Variants in NXPH1 observed in about 807,000 individuals in gnomAD.
The protein encoded by NXPH1 is neurexophilin 1, also known as neurexophilin-1.
NXPH1 carries 5 observed loss-of-function variants against 23.7 expected under a neutral mutation model. That is an observed-to-expected ratio of 0.21 (90% CI 0.11 to 0.44). NXPH1 has a LOEUF of 0.44. Ranked by LOEUF, NXPH1 falls within the 20% of genes least tolerant of loss-of-function variation. NXPH1 has a pLI of 0.99. For missense variants in NXPH1, 324 were observed against 321.6 expected (o/e 1.01, Z -0.06); for synonymous variants, 144 against 122.2 (o/e 1.18, Z -1.18).
intron 2 of NXPH1, among the ~76,000 whole-genome samples, chr7:8,485,968 G>A (rs1054173314): frequency 3.9e-5 from 6 of 152,138 alleles, no homozygotes; most frequent in African/African-American, 1.2e-4. Context: ...ATAAAGATCA[G>A]TTTCAACTTA....
chr7:8,662,808 T>C (rs2115163300), intron 2 of NXPH1, among the ~76,000 whole-genome samples: 1 of 152,232 alleles, frequency 6.6e-6, no homozygotes, highest in African/African-American at 2.4e-5. Flanking sequence ...TTTGTGATAT[T>C]TGTGCAGCTA....
At chr7:8,612,486 C>T (rs1819643028) in intron 2 of NXPH1, among the ~76,000 whole-genome samples, 1 of 151,974 alleles carries the variant, frequency 6.6e-6, no homozygotes, top group Non-Finnish European at 1.5e-5. Context: ...AATGCTATTA[C>T]ATTAAATGTA....
intron 2 of NXPH1, among the ~76,000 whole-genome samples, chr7:8,730,065 TG>T (rs1482017091): frequency 1.3e-5 from 2 of 152,190 alleles, no homozygotes; most frequent in African/African-American, 2.4e-5. Context: ...TAGCTCTTCT[TG>T]TTGAATTGAT....
intron 2 of NXPH1, among the ~76,000 whole-genome samples, chr7:8,562,848 C>G (rs1818471361): frequency 6.6e-6 from 1 of 151,626 alleles, no homozygotes; most frequent in Admixed American, 6.6e-5. Context: ...CTAGTTATCT[C>G]TGAGTGGTGA....
intron 2 of NXPH1, among the ~76,000 whole-genome samples, chr7:8,580,478 A>T (rs1269458772): frequency 2.0e-5 from 3 of 152,106 alleles, no homozygotes; most frequent in Non-Finnish European, 4.4e-5. Flanking sequence ...CTGCTTGGAG[A>T]TTAGGGGGCT....
intron 2 of NXPH1, among the ~76,000 whole-genome samples, chr7:8,505,997 G>GA (rs1554428691): frequency 6.6e-6 from 1 of 152,008 alleles, no homozygotes; most frequent in African/African-American, 2.4e-5. Context: ...GACCATACTT[G>GA]AAAAAACAAT....
At chr7:8,655,058 T>C (rs1164167859) in intron 2 of NXPH1, among the ~76,000 whole-genome samples, 1 of 152,138 alleles carries the variant, frequency 6.6e-6, no homozygotes, top group Non-Finnish European at 1.5e-5. Context: ...CTTTTTCTTT[T>C]TCCTAGAAAT....
intron 2 of NXPH1, among the ~76,000 whole-genome samples, chr7:8,732,059 G>T (rs1780166038): frequency 6.6e-6 from 1 of 152,224 alleles, no homozygotes. Flanking sequence ...CATTTTTTAA[G>T]CCCGTCGGAA....
chr7:8,661,473 G>T (rs750468813), intron 2 of NXPH1, among the ~76,000 whole-genome samples: 1 of 151,916 alleles, frequency 6.6e-6, no homozygotes, highest in Non-Finnish European at 1.5e-5. Flanking sequence ...GTTTTGTTTT[G>T]GGCTTTTAGC....
At chr7:8,439,452 C>T (rs767661) in intron 2 of NXPH1, among the ~76,000 whole-genome samples, 115,230 of 152,114 alleles carry the variant, frequency 0.76, 45,266 homozygotes, top group East Asian at 0.9. Context: ...AATGAAAAAG[C>T]TACTCAGAAA....
chr7:8,446,533 A>ATTTTACTT (rs1230886651), intron 2 of NXPH1, among the ~76,000 whole-genome samples: 4 of 152,250 alleles, frequency 2.6e-5, no homozygotes, highest in Non-Finnish European at 5.9e-5. Flanking sequence ...TAAGTAAAGG[A>ATTTTACTT]ATAGAGGTTT....
intron 2 of NXPH1, among the ~76,000 whole-genome samples, chr7:8,734,173 C>T (rs1780205325): frequency 1.3e-5 from 2 of 152,112 alleles, no homozygotes; most frequent in Admixed American, 6.6e-5. Flanking sequence ...TGTCAAAGAT[C>T]AGATGGTTGT....
At chr7:8,591,923 G>A (rs1285909457) in intron 2 of NXPH1, among the ~76,000 whole-genome samples, 2 of 151,172 alleles carry the variant, frequency 1.3e-5, no homozygotes, top group African/African-American at 4.9e-5. Flanking sequence ...TCCTTTAATG[G>A]TGACCTTCAG....
intron 2 of NXPH1, among the ~76,000 whole-genome samples, chr7:8,698,962 C>A (rs1336296619): frequency 3.3e-5 from 5 of 152,086 alleles, no homozygotes; most frequent in African/African-American, 1.2e-4. Context: ...GTAGAGTATG[C>A]TGCTTAAATT....
At chr7:8,636,218 A>G (rs1820216307) in intron 2 of NXPH1, among the ~76,000 whole-genome samples, 1 of 152,166 alleles carries the variant, frequency 6.6e-6, no homozygotes, top group Non-Finnish European at 1.5e-5. Flanking sequence ...GCCCTCTGGG[A>G]TATTTGAGTA....
At chr7:8,718,483 C>T (rs1391326645) in intron 2 of NXPH1, among the ~76,000 whole-genome samples, 1 of 152,148 alleles carries the variant, frequency 6.6e-6, no homozygotes, top group Non-Finnish European at 1.5e-5. Flanking sequence ...AATTTATTCC[C>T]TGAAAGTTTA....
chr7:8,650,572 G>C (rs1820474948), intron 2 of NXPH1, among the ~76,000 whole-genome samples: 1 of 152,150 alleles, frequency 6.6e-6, no homozygotes, highest in African/African-American at 2.4e-5. Context: ...GAATATGCTG[G>C]TATTCTTGCA....
At chr7:8,592,279 C>T (rs902985640) in intron 2 of NXPH1, among the ~76,000 whole-genome samples, 1 of 151,918 alleles carries the variant, frequency 6.6e-6, no homozygotes, top group Non-Finnish European at 1.5e-5. Flanking sequence ...AGAATTCAGT[C>T]ACCATCTGTT....
chr7:8,528,577 T>C (rs920438917), intron 2 of NXPH1, among the ~76,000 whole-genome samples: 3 of 152,248 alleles, frequency 2.0e-5, no homozygotes, highest in Non-Finnish European at 4.4e-5. Context: ...TATTTGCATA[T>C]GAAAAATATG....
Sources: gnomAD v4.1 joint callset for allele counts (sites outside exome capture counted in the v4.1 genomes callset) on GRCh38, gnomAD v4.1.1 for gene constraint, MANE v1.5 for transcripts, NCBI Gene and HGNC (gene_info 2026-07-23, HGNC 2026-07-21) for gene names.